C6orf58: variants seen among roughly 807,000 people sequenced by gnomAD.
C6orf58 encodes chromosome 6 open reading frame 58.
C6orf58 carries 30 observed loss-of-function variants against 37.0 expected under a neutral mutation model. That is an observed-to-expected ratio of 0.81 (90% CI 0.61 to 1.10). The LOEUF is 1.10. C6orf58 is among the 50% of genes least tolerant of loss of function. C6orf58 has a pLI of 0.00. For synonymous variants in C6orf58, 143 were observed against 134.1 expected (o/e 1.07, Z -0.46); for missense variants, 368 against 387.5 (o/e 0.95, Z 0.42).
chr6:127,591,492 C>A, intron 5 of C6orf58, 51 bp from the exon 6 acceptor site: 2 of 1,447,700 alleles, frequency 1.4e-6, no homozygotes, highest in South Asian at 1.5e-5. Flanking sequence ...CCAAAAGGTA[C>A]TTTAAAAAAT....
In C6orf58 at chr6:127,581,258, A is replaced by T; in HGVS notation, c.650A>T (p.Asp217Val). The T allele has an allele frequency of 1.3e-6, 2 of 1,521,236 alleles. No homozygotes were observed. The highest frequency in any genetic ancestry group is 1.8e-6 in the Non-Finnish European group (2 of 1,127,464). 94.2% of individuals were successfully genotyped at this position (1,521,236 alleles called of 1,614,324 possible). Residue 217 changes from aspartate to valine, a missense_variant, in exon 4 of 6, where the codon GAT becomes GTT. Physicochemically the swap from Asp to Val is radical, Grantham distance 152. Transcript: ENST00000329722. ...GCTGCACACACTTCAACCTTGGCAG[A>T]TAATATCAAAAGTTTTGAAGACAGG... ...LWAAHTSTLA[D>V]NIKSFEDRYD...
chr6:127,590,405 A>T, intron 5 of C6orf58, 80 bp downstream of exon 5: 1 of 890,884 alleles, frequency 1.1e-6, no homozygotes, highest in Non-Finnish European at 1.8e-6. Flanking sequence ...TAAATCAGTG[A>T]TATAAACATT....
At chr6:127,587,601 A>G (rs1775120075) in intron 4 of C6orf58, among the ~76,000 whole-genome samples, 1 of 152,212 alleles carries the variant, frequency 6.6e-6, no homozygotes, top group Non-Finnish European at 1.5e-5. Context: ...AAGGCTAATG[A>G]TTGTTCCTTG....
intron 4 of C6orf58, among the ~76,000 whole-genome samples, chr6:127,586,507 C>G (rs1775108744): frequency 6.6e-6 from 1 of 152,186 alleles, no homozygotes; most frequent in Non-Finnish European, 1.5e-5. Flanking sequence ...CGGGCATGCT[C>G]AGACAAGGCC....
At position 127,580,113 on chromosome 6, in the gene C6orf58, G is replaced by A. The variant is rs1775032931; in HGVS notation, c.389-152G>A. ...ATCAAAGTTATATATTTGATCCTTA[G>A]GGGGATTTTTGTTCAATATTTTTTT... On this transcript the variant is annotated intron_variant, in intron 2 of 5. Transcript: ENST00000329722. 5 of 559,330 alleles carry A rather than the reference G, an allele frequency of 8.9e-6. No homozygotes were observed. In the East Asian group the frequency reaches 1.1e-4, roughly 13 times the overall value. The allele number at this position is 559,330 out of a possible 1,614,324, so 34.6% of individuals were successfully genotyped here. A position where few individuals can be genotyped will look rare whatever the true frequency, so the allele number is the denominator to read the frequency against.
At chr6:127,580,475 T>C in intron 3 of C6orf58, 26 bp downstream of exon 3, 1 of 1,550,202 alleles carries the variant, frequency 6.5e-7, no homozygotes, top group Non-Finnish European at 8.9e-7. Context: ...TCTTACGAGA[T>C]AGGAAGAGAG....
At position 127,577,354 on chromosome 6, in the gene C6orf58, T is replaced by C. The variant is rs1415719361; in HGVS notation, c.169T>C (p.Tyr57His). ...NSMYIINPWV[Y>H]LERMGMYKII... The stretch of plus-strand genomic sequence containing the variant: ...CATGTACATTATTAATCCCTGGGTA[T>C]ACCTTGAGAGAATGGGGATGTATAA... Residue 57 changes from tyrosine (Y) to histidine (H), a missense_variant, in exon 1 of 6, where the codon TAC becomes CAC. Physicochemically the swap from Tyr to His is moderately conservative, Grantham distance 83. Transcript: ENST00000329722. 6.2e-7 allele frequency: 1 copy of C among 1,613,214 alleles called. No homozygotes were observed. The highest frequency in any genetic ancestry group is 8.5e-7 in the Non-Finnish European group (1 of 1,179,248).
At chr6:127,586,702 C>T (rs1775110984) in intron 4 of C6orf58, among the ~76,000 whole-genome samples, 1 of 151,424 alleles carries the variant, frequency 6.6e-6, no homozygotes, top group African/African-American at 2.4e-5. Context: ...TTTCAGTCAC[C>T]TGCTTCAGAA....
rs777664922 is a variant in C6orf58 at position 127,590,318 on chromosome 6, A to G, written c.906A>G (p.Lys302=). ...TAAATATGCTTGACAATGTGGATAA[A>G]TCTATAGGTAAGAACCTTAAAAGGA... The part of the protein sequence containing the change: ...VLLNMLDNVD[K]SIGYLCTEKS... Residue 302 remains lysine (K), a synonymous_variant, in exon 5 of 6, where the codon AAA becomes AAG. Coordinates refer to ENST00000329722, the MANE Select transcript of C6orf58 (RefSeq NM_001010905.3). 6.3e-7 allele frequency: 1 copy of G among 1,585,978 alleles called. No individual in the cohort carries two copies. Among genetic ancestry groups the G allele is most frequent in the Non-Finnish European group, 8.6e-7 (1 of 1,158,202 alleles).
intron 4 of C6orf58, among the ~76,000 whole-genome samples, chr6:127,582,857 AT>A (rs1386091473): frequency 6.6e-6 from 1 of 152,122 alleles, no homozygotes; most frequent in African/African-American, 2.4e-5. Context: ...TGAGACATGG[AT>A]TTGCCCACAT....
At chr6:127,589,808 A>G (rs563394792) in intron 4 of C6orf58, among the ~76,000 whole-genome samples, 1 of 152,166 alleles carries the variant, frequency 6.6e-6, no homozygotes, top group Admixed American at 6.5e-5. Flanking sequence ...TTTGGTTATT[A>G]GGTGGTATTC....
intron 4 of C6orf58, among the ~76,000 whole-genome samples, chr6:127,584,783 C>CAAAAA (rs34714127): frequency 8.4e-6 from 1 of 119,650 alleles, no homozygotes. Flanking sequence ...ACTCCATCTC[C>CAAAAA]AAAAAAAAAA....
chr6:127,580,615 C>T (rs1775039571), intron 3 of C6orf58, among the ~76,000 whole-genome samples, 166 bp downstream of exon 3: 1 of 151,974 alleles, frequency 6.6e-6, no homozygotes, highest in South Asian at 2.1e-4. Context: ...GTCATTAACA[C>T]CTACTGCCTC....
chr6:127,580,712 T>A (rs184640869), intron 3 of C6orf58, among the ~76,000 whole-genome samples: 189 of 152,254 alleles, frequency 1.2e-3, no homozygotes, highest in African/African-American at 4.4e-3. Context: ...TTTTGCTGAA[T>A]GATTAATAAG....
chr6:127,581,190 G>A lies in C6orf58; in HGVS notation c.582G>A (p.Gln194=). Reference sequence around the variant, plus strand: ...TGACCTCTTTACCTTAGTATTTGCAGTCACCTTTTAGTAAGTTTGATGATC... The same window carrying A: ...TGACCTCTTTACCTTAGTATTTGCAATCACCTTTTAGTAAGTTTGATGATC... The part of the protein sequence containing the change: ...NKWNTFYQYL[Q]SPFSKFDDLL... The change falls in exon 4 of 6, where the codon CAG becomes CAA. Residue 194 remains glutamine, a synonymous_variant. Transcript: ENST00000329722. The A allele has an allele frequency of 1.3e-6, 2 of 1,482,796 alleles. No individual in the cohort carries two copies. Among genetic ancestry groups the A allele is most frequent in the Non-Finnish European group, 1.8e-6 (2 of 1,103,070 alleles). The allele number at this position is 1,482,796 out of a possible 1,614,324, so 91.9% of individuals were successfully genotyped here. A position where few individuals can be genotyped will look rare whatever the true frequency, so the allele number is the denominator to read the frequency against.
chr6:127,584,450 C>T (rs1285847861), intron 4 of C6orf58, among the ~76,000 whole-genome samples: 2 of 152,138 alleles, frequency 1.3e-5, no homozygotes, highest in Non-Finnish European at 2.9e-5. Flanking sequence ...GACTAGGAAG[C>T]CATCTGTGCT....
rs543168468 is a variant in C6orf58 at position 127,580,676 on chromosome 6, T to C, written c.573+227T>C. Among the ~76,000 whole-genome samples the C allele has an allele frequency of 9.2e-5, 14 of 152,210 alleles. No homozygotes were observed. The East Asian group carries it at 2.3e-3, about 25-fold the overall frequency. On this transcript the variant is annotated intron_variant, in intron 3 of 5. Transcript: ENST00000329722. ...CATTCTTCTTGCCTCAAATACATTA[T>C]ACAAAAATGGTGAGCATACAGGATA...
At chr6:127,583,001 G>C (rs988232711) in intron 4 of C6orf58, among the ~76,000 whole-genome samples, 6 of 151,996 alleles carry the variant, frequency 3.9e-5, no homozygotes, top group Non-Finnish European at 8.8e-5. Flanking sequence ...TTTGTCTAAG[G>C]CCTCATTTTT....
At chr6:127,583,508 T>C (rs1775071346) in intron 4 of C6orf58, among the ~76,000 whole-genome samples, 1 of 152,104 alleles carries the variant, frequency 6.6e-6, no homozygotes, top group African/African-American at 2.4e-5. Context: ...CATCTTCTTC[T>C]GGGGAAAAAA....
Sources: gnomAD v4.1 joint callset for allele counts (sites outside exome capture counted in the v4.1 genomes callset) on GRCh38, gnomAD v4.1.1 for gene constraint, MANE v1.5 for transcripts, NCBI Gene and HGNC (gene_info 2026-07-23, HGNC 2026-07-21) for gene names.